The following LRMDA variants were observed in gnomAD, a reference collection of about 807,000 sequenced individuals.
The protein encoded by LRMDA is leucine-rich melanocyte differentiation-associated protein.
In LRMDA, 18 loss-of-function variants were observed where a neutral mutation model predicts 29.8. That is an observed-to-expected ratio of 0.60 (90% CI 0.42 to 0.90). The LOEUF (loss-of-function observed/expected upper bound fraction) is 0.90, where lower values mean the gene tolerates loss of function less well. LRMDA is among the 40% of genes least tolerant of loss of function. LRMDA has a pLI of 0.00. For missense variants in LRMDA, 273 were observed against 273.9 expected (o/e 1.00, Z 0.02); for synonymous variants, 125 against 109.4 (o/e 1.14, Z -0.89).
At chr10:76,415,670 TC>T (rs1842007362) in intron 6 of LRMDA, among the ~76,000 whole-genome samples, 1 of 152,172 alleles carries the variant, frequency 6.6e-6, no homozygotes, top group Non-Finnish European at 1.5e-5. Context: ...AAGGATACGA[TC>T]CCATACACAC....
At chr10:75,878,411 G>C (rs1486846289) in intron 2 of LRMDA, among the ~76,000 whole-genome samples, 1 of 151,894 alleles carries the variant, frequency 6.6e-6, no homozygotes, top group Admixed American at 6.6e-5. Flanking sequence ...TTCCCCTGGG[G>C]TAGGGCCACC....
At chr10:76,481,874 A>G (rs78817637) in intron 6 of LRMDA, among the ~76,000 whole-genome samples, 3,207 of 151,738 alleles carry the variant, frequency 0.021, 52 homozygotes, top group Non-Finnish European at 0.029. Context: ...TCATTTCATG[A>G]CCCCAAACAT....
intron 5 of LRMDA, among the ~76,000 whole-genome samples, chr10:76,240,774 A>ATAGAT (rs1399276387): frequency 3.7e-5 from 1 of 27,358 alleles, no homozygotes; most frequent in African/African-American, 1.1e-4. Context: ...AGATAGATAG[A>ATAGAT]TAGATAGATA....
intron 5 of LRMDA, among the ~76,000 whole-genome samples, chr10:76,198,002 A>C (rs1344188288): frequency 1.3e-5 from 2 of 152,158 alleles, no homozygotes; most frequent in Non-Finnish European, 2.9e-5. Flanking sequence ...GGGCCTCCTG[A>C]AGTAGACCTT....
chr10:75,706,835 C>T (rs1842375784), intron 2 of LRMDA, among the ~76,000 whole-genome samples: 1 of 151,798 alleles, frequency 6.6e-6, no homozygotes, highest in South Asian at 2.1e-4. Flanking sequence ...CAGGTCCACC[C>T]TGCCATGCAC....
chr10:76,085,386 G>T (rs1849117476), intron 5 of LRMDA, among the ~76,000 whole-genome samples: 1 of 152,214 alleles, frequency 6.6e-6, no homozygotes, highest in Non-Finnish European at 1.5e-5. Flanking sequence ...GGTTTTCATT[G>T]TGTTAGGCCA....
At chr10:76,027,822 G>A (rs563923980) in intron 2 of LRMDA, among the ~76,000 whole-genome samples, 1 of 152,280 alleles carries the variant, frequency 6.6e-6, no homozygotes, top group South Asian at 2.1e-4. Flanking sequence ...GTACTTAAAT[G>A]TATAGCATGA....
intron 6 of LRMDA, among the ~76,000 whole-genome samples, chr10:76,365,107 T>TATATATATATATATATATATACAC (rs141131236): frequency 0.039 from 2,331 of 60,410 alleles, 236 homozygotes; most frequent in Middle Eastern, 0.1. Context: ...TATATATATA[T>TATATATATATATATATATATACAC]ACACACACAC....
rs78604483 is a variant in LRMDA at position 76,050,631 on chromosome 10, C to A, written c.398+3328C>A. On this transcript the variant is annotated intron_variant, in intron 4 of 6. Coordinates refer to ENST00000611255, the MANE Select transcript of LRMDA (RefSeq NM_001305581.2). ...GGTGAATGTGATAATCAGCAGCCTC[C>A]AGGATTTGGGCAGGAAGAGAACAGC... Among the ~76,000 whole-genome samples the A allele has an allele frequency of 9.0e-3, 1,375 of 152,300 alleles. 36 individuals are homozygous for A. The highest frequency in any genetic ancestry group is 0.081 in the East Asian group (417 of 5,168).
intron 5 of LRMDA, among the ~76,000 whole-genome samples, chr10:76,117,966 A>C (rs1383439511): frequency 2.0e-5 from 3 of 152,148 alleles, no homozygotes; most frequent in African/African-American, 4.8e-5. Context: ...CCCACAATAA[A>C]ACCTCATCTT....
At chr10:75,778,908 A>G (rs1468613856) in intron 2 of LRMDA, among the ~76,000 whole-genome samples, 1 of 152,226 alleles carries the variant, frequency 6.6e-6, no homozygotes, top group Non-Finnish European at 1.5e-5. Flanking sequence ...CCAAGTAGGA[A>G]TAAATTGGCC....
intron 2 of LRMDA, among the ~76,000 whole-genome samples, chr10:75,439,473 G>T (rs1055886251): frequency 1.3e-5 from 2 of 152,190 alleles, no homozygotes; most frequent in Admixed American, 1.3e-4. Context: ...TTAGGAATTT[G>T]TAATTGGAAA....
chr10:75,645,794 A>C (rs937022185), intron 2 of LRMDA, among the ~76,000 whole-genome samples: 1 of 152,110 alleles, frequency 6.6e-6, no homozygotes, highest in Non-Finnish European at 1.5e-5. Context: ...AGAATCAGCC[A>C]CTTACAAGAG....
At chr10:75,946,366 A>G (rs1846475952) in intron 2 of LRMDA, among the ~76,000 whole-genome samples, 2 of 152,210 alleles carry the variant, frequency 1.3e-5, no homozygotes, top group Non-Finnish European at 2.9e-5. Flanking sequence ...CTGTCCTGTC[A>G]CCAAATGTCA....
chr10:76,387,351 A>C (rs965568063), intron 6 of LRMDA, among the ~76,000 whole-genome samples: 8 of 152,158 alleles, frequency 5.3e-5, no homozygotes, highest in Non-Finnish European at 1.0e-4. Flanking sequence ...CCTATAACCC[A>C]GCATTTTGGG....
At chr10:75,484,380 G>A (rs1844887071) in intron 2 of LRMDA, among the ~76,000 whole-genome samples, 1 of 151,764 alleles carries the variant, frequency 6.6e-6, no homozygotes, top group South Asian at 2.1e-4. Context: ...GTGAAAAGAG[G>A]GTTTTAAAAT....
rs151060145 is a variant in LRMDA at position 76,287,912 on chromosome 10, A to T, written c.517-36489A>T. 3.8e-3 allele frequency among the ~76,000 whole-genome samples: 584 copies of T among 152,284 alleles called. 2 individuals are homozygous for T. Among genetic ancestry groups the T allele is most frequent in the African/African-American group, 0.013 (527 of 41,560 alleles). On this transcript the variant is annotated intron_variant, in intron 5 of 6. Transcript: ENST00000611255. ...TTGGGATTCATTTTGCATTAGAGAA[A>T]TGACAAAGACCCAGAAAACAAGCAC... is the stretch of plus-strand genomic sequence containing the variant.
intron 2 of LRMDA, among the ~76,000 whole-genome samples, chr10:75,547,161 A>G (rs1034974702): frequency 5.3e-5 from 8 of 152,134 alleles, no homozygotes; most frequent in African/African-American, 1.9e-4. Context: ...CCAAGATTCT[A>G]TTTATTCATC....
At chr10:75,884,273 GT>G (rs370257026) in intron 2 of LRMDA, among the ~76,000 whole-genome samples, 26,557 of 142,846 alleles carry the variant, frequency 0.19, 2,539 homozygotes, top group Admixed American at 0.22. Flanking sequence ...GTGTGTGTGT[GT>G]GTGTGTGTGT....
Sources: gnomAD v4.1 joint callset for allele counts (sites outside exome capture counted in the v4.1 genomes callset) on GRCh38, gnomAD v4.1.1 for gene constraint, MANE v1.5 for transcripts, NCBI Gene and HGNC (gene_info 2026-07-23, HGNC 2026-07-21) for gene names.